Variants in HSPG2 observed in about 807,000 individuals in gnomAD.
The protein encoded by HSPG2 is basement membrane-specific heparan sulfate proteoglycan core protein.
HSPG2 carries 278 observed loss-of-function variants against 526.6 expected under a neutral mutation model. That is an observed-to-expected ratio of 0.53 (90% confidence interval 0.48 to 0.58). The LOEUF (loss-of-function observed/expected upper bound fraction) is 0.58. Ranked by LOEUF, HSPG2 falls within the 20% of genes least tolerant of loss-of-function variation. HSPG2 has a pLI of 0.00. For missense variants in HSPG2, 5,354 were observed against 6,099.5 expected (o/e 0.88, Z 4.07); for synonymous variants, 2,465 against 2,555.4 (o/e 0.96, Z 1.07).
chr1:21,831,532 C>A lies in HSPG2; in HGVS notation c.11383G>T (p.Glu3795Ter). The A allele has an allele frequency of 6.2e-7, 1 of 1,614,110 alleles. No individual in the cohort carries two copies. Among genetic ancestry groups the A allele is most frequent in the Non-Finnish European group, 8.5e-7 (1 of 1,179,990 alleles). The change falls in exon 83 of 97, where the codon GAA (glutamate) becomes TAA (stop). Residue 3795 changes from glutamate to a stop codon, truncating the protein, a stop_gained. Transcript: ENST00000374695. LOFTEE classifies it high-confidence loss of function. Reference protein sequence around the residue: ...GKFQGLDLNEELYLGGYPDYG... With the variant: ...GKFQGLDLNE ...TCAGGATAGCCACCCAGGTAGAGTT[C>A]CTCGTTCAGATCCAGGCCCTGGAAC...
In HSPG2 at chr1:21,890,233, G is replaced by C; in HGVS notation, c.414-92C>G. ...GCTCCCGCCCCGACGCTCAGGCCCT[G>C]TTCCGGGACAGCCTGTACCCAAAGA... On this transcript the variant is annotated intron_variant, in intron 5 of 96. Transcript: ENST00000374695. This position sits in a 1 kb window ranked among gnomAD's most constrained non-coding sequence, Gnocchi z 4.1. 1 of 1,502,560 alleles carries C rather than the reference G, an allele frequency of 6.7e-7. No individual in the cohort carries two copies. The highest frequency in any genetic ancestry group is 9.2e-7 in the Non-Finnish European group (1 of 1,083,004). The allele number at this position is 1,502,560 out of a possible 1,614,324, so 93.1% of individuals were successfully genotyped here.
In HSPG2 at chr1:21,875,742, T is replaced by C; in HGVS notation, c.3189A>G (p.Ala1063=). Residue 1063 remains alanine, a synonymous_variant, in exon 25 of 97, where the codon GCA becomes GCG. Coordinates refer to ENST00000374695, the MANE Select transcript of HSPG2 (RefSeq NM_005529.7). Reference sequence around the variant, plus strand: ...CTGGCTGCCCATCGGGCCGCTGCCATGCTTGCTGCCAAGGAGAGGACACAT... The same window carrying C: ...CTGGCTGCCCATCGGGCCGCTGCCACGCTTGCTGCCAAGGAGAGGACACAT... ...STFIVPFREQ[A]WQRPDGQPAT... is the part of the protein sequence containing the mutation. The C allele has an allele frequency of 1.9e-6, 3 of 1,605,760 alleles. No individual in the cohort carries two copies. Among genetic ancestry groups the C allele is most frequent in the African/African-American group, 1.3e-5 (1 of 75,054 alleles).
At chr1:21,868,223 G>A (rs1640387957) in intron 33 of HSPG2, among the ~76,000 whole-genome samples, 1 of 150,686 alleles carries the variant, frequency 6.6e-6, no homozygotes, top group Non-Finnish European at 1.5e-5. Flanking sequence ...TATTTTAGTA[G>A]AGACAGGGTT....
rs528829386 is a variant in HSPG2 at position 21,824,268 on chromosome 1, C to G, written c.12815+38G>C. On this transcript the variant is annotated intron_variant, in intron 94 of 96. Coordinates refer to ENST00000374695, the MANE Select transcript of HSPG2 (RefSeq NM_005529.7). The surrounding 1 kb of genome is among the most constrained non-coding windows in gnomAD (Gnocchi z 5.9). ...GGACCGGGGGGTGGGGTGCTGGGACCAGGGAAGGGAGAGGAAGGGCCAGGT... is the reference window on the plus strand; with the variant it reads ...GGACCGGGGGGTGGGGTGCTGGGACGAGGGAAGGGAGAGGAAGGGCCAGGT... The G allele has an allele frequency of 1.3e-5, 21 of 1,613,254 alleles. No individual in the cohort carries two copies. The South Asian group carries it at 2.1e-4, about 16-fold the overall frequency.
In HSPG2 at chr1:21,864,108, C is replaced by T. The variant is rs1182678283; in HGVS notation, c.4732G>A (p.Ala1578Thr). Residue 1578 changes from alanine (A) to threonine (T), a missense_variant, in exon 37 of 97, where the codon GCC (alanine) becomes ACC (threonine). Transcript: ENST00000374695. This position sits in a 1 kb window ranked among gnomAD's most constrained non-coding sequence, Gnocchi z 4.8. ...HSDLCHPETG[A>T]CSQCQHNAAG... ...CCTCGCTTGCAGCTCACCGAGCAGG[C>T]CCCAGTCTCTGGGTGGCACAGGTCT... The T allele has an allele frequency of 1.3e-6, 2 of 1,552,972 alleles. No homozygotes were observed. The highest frequency in any genetic ancestry group is 1.7e-6 in the Non-Finnish European group (2 of 1,148,108).
rs1255703925 is a variant in HSPG2, at chr1:21,829,045, G to A, written c.12027C>T (p.Ala4009=). Residue 4009 remains alanine (A), a synonymous_variant, in exon 88 of 97, where the codon GCC becomes GCT. Coordinates refer to ENST00000374695, the MANE Select transcript of HSPG2 (RefSeq NM_005529.7). ...LAVLRSAEPL[A]LGRWHRVSAE... ...CAGACACACGGTGCCAGCGGCCCAG[G>A]GCCAGCGGCTCGGCGCTCCGCAGAA... 1 of 1,548,246 alleles carries A rather than the reference G, an allele frequency of 6.5e-7. No individual in the cohort carries two copies. The highest frequency in any genetic ancestry group is 8.7e-7 in the Non-Finnish European group (1 of 1,147,442).
chr1:21,849,685 G>A (rs1335518443), intron 57 of HSPG2, among the ~76,000 whole-genome samples: 4 of 146,584 alleles, frequency 2.7e-5, no homozygotes, highest in Non-Finnish European at 6.0e-5. Flanking sequence ...AAAGCCTGTG[G>A]TTTTTTTTTT....
At chr1:21,837,034 G>T in intron 74 of HSPG2, 28 bp from the exon 75 acceptor site, 1 of 1,537,286 alleles carries the variant, frequency 6.5e-7, no homozygotes. Context: ...AGGTTCTGCA[G>T]GTATATGTGT....
intron 1 of HSPG2, among the ~76,000 whole-genome samples, chr1:21,935,870 G>A (rs1644475596): frequency 6.6e-6 from 1 of 152,098 alleles, no homozygotes; most frequent in African/African-American, 2.4e-5. Context: ...ACAGGAGGAC[G>A]ACAGAGGAGG....
intron 28 of HSPG2, 55 bp from the exon 29 acceptor site, chr1:21,874,066 C>T (rs975712012): frequency 1.6e-5 from 23 of 1,445,438 alleles, no homozygotes; most frequent in Middle Eastern, 3.5e-4. Flanking sequence ...TCCTCTCCCC[C>T]GATCCTCCTT....
At position 21,865,785 on chromosome 1, in the gene HSPG2, G is replaced by A. The variant is rs753496606; in HGVS notation, c.4246C>T (p.Arg1416Ter). The change falls in exon 34 of 97, where the codon CGA becomes TGA. Residue 1416 changes from arginine to a stop codon, truncating the protein, a stop_gained. Transcript: ENST00000374695. LOFTEE classifies it high-confidence loss of function. This position sits in a 1 kb window ranked among gnomAD's most constrained non-coding sequence, Gnocchi z 5.4. ...DKVAAYGGKL[R>*]YTLSYTAGPQ... is the part of the protein sequence containing the mutation. ...CCTGCTGTGTAGGAGAGGGTGTATC[G>A]CAACTTCCCACCGTAGGCCGCCACC... 5.0e-6 allele frequency: 8 copies of A among 1,613,550 alleles called. No individual in the cohort carries two copies. The highest frequency in any genetic ancestry group is 5.9e-6 in the Non-Finnish European group (7 of 1,179,944).
Position 21,873,093 on chromosome 1 carries a change from T to C in HSPG2, c.3794-2A>G. ...TGGGCCCTGGCACCTGGCTGTCTCC[T>C]GAGGTGGAAGAAAGCCATGGCTGGA... On this transcript the variant is annotated splice_acceptor_variant, in intron 30 of 96. Transcript: ENST00000374695. LOFTEE classifies it high-confidence loss of function. 6.3e-7 allele frequency: 1 copy of C among 1,599,426 alleles called. No individual in the cohort carries two copies. The highest frequency in any genetic ancestry group is 8.5e-7 in the Non-Finnish European group (1 of 1,179,086).
Position 21,864,108 on chromosome 1 carries a change from C to A in HSPG2, c.4732G>T (p.Ala1578Ser). The A allele has an allele frequency of 6.4e-7, 1 of 1,552,972 alleles. No individual in the cohort carries two copies. The highest frequency in any genetic ancestry group is 1.2e-5 in the South Asian group (1 of 84,164). ...HSDLCHPETG[A>S]CSQCQHNAAG... ...CCTCGCTTGCAGCTCACCGAGCAGG[C>A]CCCAGTCTCTGGGTGGCACAGGTCT... Residue 1578 changes from alanine to serine, a missense_variant, in exon 37 of 97, where the codon GCC becomes TCC. Transcript: ENST00000374695. The surrounding 1 kb of genome is among the most constrained non-coding windows in gnomAD (Gnocchi z 4.8).
chr1:21,826,896 C>A (rs921107140), intron 91 of HSPG2, among the ~76,000 whole-genome samples: 5 of 152,018 alleles, frequency 3.3e-5, no homozygotes, highest in African/African-American at 1.2e-4. Flanking sequence ...ACTAAGTGGC[C>A]GGGCGCGGTG....
Position 21,857,402 on chromosome 1 carries a change from C to A in HSPG2, c.5294-17G>T. On this transcript the variant is annotated splice_polypyrimidine_tract_variant and intron_variant, in intron 42 of 96. Coordinates refer to ENST00000374695, the MANE Select transcript of HSPG2 (RefSeq NM_005529.7). ...TTGGAGCCTCTGCAGGGACGGGAAGCCCCCCTGTGAGCCGGTGCTGGCTAG... is the reference window on the plus strand; with the variant it reads ...TTGGAGCCTCTGCAGGGACGGGAAGACCCCCTGTGAGCCGGTGCTGGCTAG... The A allele has an allele frequency of 6.2e-7, 1 of 1,610,064 alleles. No individual in the cohort carries two copies. Among genetic ancestry groups the A allele is most frequent in the Non-Finnish European group, 8.5e-7 (1 of 1,177,818 alleles).
At chr1:21,900,683 G>A (rs1178705509) in intron 1 of HSPG2, among the ~76,000 whole-genome samples, 4 of 152,118 alleles carry the variant, frequency 2.6e-5, no homozygotes, top group Admixed American at 6.6e-5. Context: ...CCAGAAGTTC[G>A]AGACCAGCCT....
At chr1:21,834,033 C>T in intron 77 of HSPG2, 108 bp from the exon 78 acceptor site, 1 of 785,462 alleles carries the variant, frequency 1.3e-6, no homozygotes, top group South Asian at 1.5e-5. Context: ...AAGGAAGCCA[C>T]TACATTCCAT....
intron 13 of HSPG2, among the ~76,000 whole-genome samples, chr1:21,883,154 G>A (rs1641634715): frequency 6.6e-6 from 1 of 152,122 alleles, no homozygotes; most frequent in South Asian, 2.1e-4. Flanking sequence ...CAGAGCCCTG[G>A]GGCTCTCATC....
chr1:21,854,121 G>T, intron 50 of HSPG2, 72 bp downstream of exon 50: 2 of 1,476,456 alleles, frequency 1.4e-6, no homozygotes, highest in Non-Finnish European at 1.8e-6. Flanking sequence ...TGGTCCCACT[G>T]AAGAAGCCAC....
Sources: allele counts gnomAD v4.1 joint callset (sites outside exome capture counted in the v4.1 genomes callset), GRCh38; gene constraint gnomAD v4.1.1; non-coding constraint Gnocchi (gnomAD v3.1); transcripts MANE v1.5; gene names NCBI Gene and HGNC (gene_info 2026-07-23, HGNC 2026-07-21).